The following SEC24B variants were observed in gnomAD, a reference collection of about 807,000 sequenced individuals.
The protein encoded by SEC24B is protein transport protein Sec24B.
A neutral mutation model predicts 142.8 loss-of-function variants in SEC24B; 45 were observed. That is an observed-to-expected ratio of 0.32 (90% CI 0.25 to 0.40). SEC24B has a LOEUF of 0.40. SEC24B is among the 10% of genes least tolerant of loss of function. The probability of loss-of-function intolerance (pLI) is 1.00; values close to 1 mark genes in which losing one functional copy is unlikely to be tolerated. For missense variants in SEC24B, 1,409 were observed against 1,526.8 expected, an observed-to-expected ratio of 0.92 and a Z score of 1.29; for synonymous variants, 574 against 568.2, an observed-to-expected ratio of 1.01 and a Z score of -0.15.
chr4:109,539,822 A>G lies in SEC24B; in HGVS notation c.*147A>G. On this transcript the variant is annotated 3_prime_UTR_variant, in exon 24 of 24. Transcript: ENST00000265175. The stretch of plus-strand genomic sequence containing the variant: ...CTGTCTGAGGCTTTGGTAAAAAGTA[A>G]AGGGGAAGAAAGAACTTGACAGATC... 3.4e-6 allele frequency: 2 copies of G among 593,576 alleles called. No homozygotes were observed. The highest frequency in any genetic ancestry group is 5.9e-6 in the Non-Finnish European group (2 of 337,630). The allele number at this position is 593,576 out of a possible 1,614,324, so 36.8% of individuals were successfully genotyped here.
intron 10 of SEC24B, among the ~76,000 whole-genome samples, chr4:109,515,194 G>A (rs1409072910): frequency 6.6e-6 from 1 of 151,860 alleles, no homozygotes; most frequent in African/African-American, 2.4e-5. Context: ...TCTGCCTCCC[G>A]GGTTCACGAC....
At chr4:109,501,499 C>T (rs1736141499) in intron 6 of SEC24B, among the ~76,000 whole-genome samples, 1 of 152,196 alleles carries the variant, frequency 6.6e-6, no homozygotes, top group South Asian at 2.1e-4. Context: ...GAGATGAAGT[C>T]TCACTCTGTG....
At chr4:109,496,408 C>T (rs1250000042) in intron 6 of SEC24B, among the ~76,000 whole-genome samples, 1 of 152,134 alleles carries the variant, frequency 6.6e-6, no homozygotes, top group Non-Finnish European at 1.5e-5. Flanking sequence ...AGCCACTGCT[C>T]CTGGCCAGGA....
chr4:109,495,155 T>G (rs974188598), intron 6 of SEC24B, among the ~76,000 whole-genome samples: 1 of 152,200 alleles, frequency 6.6e-6, no homozygotes, highest in Non-Finnish European at 1.5e-5. Context: ...CAAGTATTAA[T>G]TTTATAATCA....
intron 15 of SEC24B, 40 bp from the exon 16 acceptor site, chr4:109,525,306 T>G (rs752747407): frequency 2.7e-6 from 4 of 1,491,234 alleles, no homozygotes; most frequent in Middle Eastern, 2.3e-4. Context: ...TAAAATATTA[T>G]TATTTCTATA....
rs528126525 is a variant in SEC24B, at chr4:109,513,935, T to C, written c.2013+79T>C. 53 of 926,422 alleles carry C rather than the reference T, an allele frequency of 5.7e-5. No homozygotes were observed. The African/African-American group carries it at 7.1e-4, about 12-fold the overall frequency. The allele number at this position is 926,422 out of a possible 1,614,324, so 57.4% of individuals were successfully genotyped here. On this transcript the variant is annotated intron_variant, in intron 10 of 23. Coordinates refer to ENST00000265175, the MANE Select transcript of SEC24B (RefSeq NM_006323.5). ...TAATTTTCTGTTAAGTGAACTCTTA[T>C]CGAGATTTTGAAGTTGTTTATACTC...
chr4:109,529,459 A>G (rs572644165), intron 18 of SEC24B, among the ~76,000 whole-genome samples: 6 of 152,288 alleles, frequency 3.9e-5, no homozygotes, highest in African/African-American at 1.4e-4. Flanking sequence ...CTATTTTAAT[A>G]GAATATATTA....
At chr4:109,483,338 C>A (rs1301577952) in intron 4 of SEC24B, among the ~76,000 whole-genome samples, 1 of 151,928 alleles carries the variant, frequency 6.6e-6, no homozygotes, top group Non-Finnish European at 1.5e-5. Flanking sequence ...CTTGGCCTCC[C>A]AAAGTGCTGG....
At chr4:109,503,526 A>C (rs188758301) in intron 6 of SEC24B, among the ~76,000 whole-genome samples, 198 of 152,004 alleles carry the variant, frequency 1.3e-3, no homozygotes, top group South Asian at 5.2e-3. Flanking sequence ...GCCCCGCCTA[A>C]TTTTTGTATT....
chr4:109,463,578 C>G lies in SEC24B; in HGVS notation c.811C>G (p.Gln271Glu). 1 of 1,614,156 alleles carries G rather than the reference C, an allele frequency of 6.2e-7. No individual in the cohort carries two copies. The highest frequency in any genetic ancestry group is 8.5e-7 in the Non-Finnish European group (1 of 1,180,028). Residue 271 changes from glutamine to glutamate, a missense_variant, in exon 2 of 24, where the codon CAA becomes GAA. Physicochemically the swap from Gln to Glu is conservative, Grantham distance 29. Transcript: ENST00000265175. Reference sequence around the variant, plus strand: ...GTCATCTCCAGGCCTTCCATCGACTCAAGACAATCTCATCCGAAACCACAC... The same window carrying G: ...GTCATCTCCAGGCCTTCCATCGACTGAAGACAATCTCATCCGAAACCACAC... ...TWSSPGLPST[Q>E]DNLIRNHTGS...
intron 2 of SEC24B, among the ~76,000 whole-genome samples, chr4:109,465,042 G>T (rs17040461): frequency 0.17 from 26,599 of 152,190 alleles, 2,627 homozygotes; most frequent in African/African-American, 0.27. Context: ...GCACCAAGAA[G>T]GGAGAGGAAA....
In SEC24B at chr4:109,433,878, C is replaced by T. The variant is rs1728097712; in HGVS notation, c.9C>T (p.Ala3=). 1 of 1,340,346 alleles carries T rather than the reference C, an allele frequency of 7.5e-7. No individual in the cohort carries two copies. Among genetic ancestry groups the T allele is most frequent in the Non-Finnish European group, 9.6e-7 (1 of 1,042,148 alleles). The allele number at this position is 1,340,346 out of a possible 1,614,324, so 83.0% of individuals were successfully genotyped here. The change falls in exon 1 of 24, where the codon GCC becomes GCT. Residue 3 remains alanine, a synonymous_variant. Transcript: ENST00000265175. MS[A]PAGSSHPAAS... ...TCGCCACCAGCGCCGTCATGTCGGC[C>T]CCCGCCGGGTCCTCTCACCCGGCCG...
At chr4:109,469,157 T>C (rs1192871550) in intron 2 of SEC24B, among the ~76,000 whole-genome samples, 1 of 152,224 alleles carries the variant, frequency 6.6e-6, no homozygotes, top group Non-Finnish European at 1.5e-5. Context: ...TCTTGAATCA[T>C]GATTTCCTTC....
intron 1 of SEC24B, among the ~76,000 whole-genome samples, chr4:109,440,942 G>C (rs1578747292): frequency 6.6e-6 from 1 of 152,104 alleles, no homozygotes; most frequent in East Asian, 1.9e-4. Context: ...ATTTTCTTCT[G>C]CTTTCCAGTC....
chr4:109,497,866 C>G (rs1735690359), intron 6 of SEC24B, among the ~76,000 whole-genome samples: 1 of 152,164 alleles, frequency 6.6e-6, no homozygotes, highest in African/African-American at 2.4e-5. Flanking sequence ...GCAGTTAAAG[C>G]TAGACAGTTT....
intron 11 of SEC24B, among the ~76,000 whole-genome samples, chr4:109,517,390 T>A (rs997768815): frequency 6.6e-6 from 1 of 152,176 alleles, no homozygotes; most frequent in Non-Finnish European, 1.5e-5. Flanking sequence ...TTCTCATTCA[T>A]TGTGGGAGCT....
At chr4:109,468,924 C>T (rs997994587) in intron 2 of SEC24B, among the ~76,000 whole-genome samples, 5 of 151,946 alleles carry the variant, frequency 3.3e-5, no homozygotes, top group African/African-American at 1.2e-4. Flanking sequence ...TTTCAGAGGC[C>T]ATCTACATAC....
chr4:109,442,823 A>G (rs1729065941), intron 1 of SEC24B, among the ~76,000 whole-genome samples: 1 of 152,140 alleles, frequency 6.6e-6, no homozygotes, highest in African/African-American at 2.4e-5. Context: ...AATCTTATTC[A>G]GGTAACTTGC....
rs773210525 is a variant in SEC24B, at chr4:109,433,851, C to A, written c.-19C>A. The A allele has an allele frequency of 7.7e-6, 10 of 1,296,732 alleles. No homozygotes were observed. In the African/African-American group the frequency reaches 1.2e-4, roughly 16 times the overall value. The allele number at this position is 1,296,732 out of a possible 1,614,324, so 80.3% of individuals were successfully genotyped here. A position where few individuals can be genotyped will look rare whatever the true frequency, so the allele number is the denominator to read the frequency against. ...GCCCACCTCCCTGAAGCGGAGCCGC[C>A]GTCGCCACCAGCGCCGTCATGTCGG... On this transcript the variant is annotated 5_prime_UTR_variant, in exon 1 of 24. Transcript: ENST00000265175.
Sources: allele counts gnomAD v4.1 joint callset (sites outside exome capture counted in the v4.1 genomes callset), GRCh38; gene constraint gnomAD v4.1.1; transcripts MANE v1.5; gene names NCBI Gene and HGNC (gene_info 2026-07-23, HGNC 2026-07-21).